The following TBC1D31 variants were observed in gnomAD, a reference collection of about 807,000 sequenced individuals.
TBC1D31 encodes WD repeat domain 67.
TBC1D31 carries 99 observed loss-of-function variants against 132.9 expected under a neutral mutation model. That is an observed-to-expected ratio of 0.74 (90% confidence interval 0.63 to 0.88). TBC1D31 has a LOEUF of 0.88. Ranked by LOEUF, TBC1D31 falls within the 40% of genes least tolerant of loss-of-function variation. The pLI is 0.00. For synonymous variants in TBC1D31, 385 were observed against 419.4 expected, an observed-to-expected ratio of 0.92 and a Z score of 1.00; for missense variants, 1,134 against 1,256.6, an observed-to-expected ratio of 0.90 and a Z score of 1.48.
intron 5 of TBC1D31, among the ~76,000 whole-genome samples, chr8:123,096,546 C>T (rs1278803332): frequency 1.3e-5 from 2 of 152,204 alleles, no homozygotes; most frequent in Non-Finnish European, 2.9e-5. Flanking sequence ...TAGAACTTAT[C>T]ACCTGCTGAG....
At chr8:123,130,030 C>G (rs149657760) in intron 15 of TBC1D31, among the ~76,000 whole-genome samples, 168 bp from the exon 16 acceptor site, 1 of 152,274 alleles carries the variant, frequency 6.6e-6, no homozygotes, top group Non-Finnish European at 1.5e-5. Context: ...ATTCTTAAAG[C>G]ATAAGTATAC....
intron 1 of TBC1D31, chr8:123,073,170 C>A: frequency 4.1e-6 from 2 of 483,630 alleles, no homozygotes; most frequent in Non-Finnish European, 7.9e-6. Context: ...GTCCCTGGCA[C>A]GTAGTAGGTG....
chr8:123,083,994 T>G, intron 3 of TBC1D31, 168 bp from the exon 4 acceptor site: 2 of 596,798 alleles, frequency 3.4e-6, no homozygotes, highest in Non-Finnish European at 5.9e-6. Flanking sequence ...TGTTCCGTCA[T>G]ACACTTTATC....
In TBC1D31 at chr8:123,129,098, A is replaced by G. The variant is rs555206504; in HGVS notation, c.2150A>G (p.Asp717Gly). 6.2e-7 allele frequency: 1 copy of G among 1,606,964 alleles called. No homozygotes were observed. The highest frequency in any genetic ancestry group is 1.3e-5 in the African/African-American group (1 of 74,880). Residue 717 changes from aspartate to glycine, a missense_variant, in exon 15 of 22, where the codon GAC becomes GGC. Transcript: ENST00000287380. ...GTTGAAGATATGCAAGCTAAAGTCG[A>G]CCAGCAAAGAGTTGAAGATGAAGCT... ...QTVEDMQAKV[D>G]QQRVEDEAWY...
intron 11 of TBC1D31, among the ~76,000 whole-genome samples, chr8:123,124,938 C>CAAA (rs1310001681): frequency 1.4e-4 from 11 of 81,044 alleles, no homozygotes; most frequent in African/African-American, 4.2e-4. Flanking sequence ...CTCCGTCTCA[C>CAAA]AAAAAAAAAA....
At chr8:123,123,863 C>A (rs1187352443) in intron 11 of TBC1D31, among the ~76,000 whole-genome samples, 1 of 151,990 alleles carries the variant, frequency 6.6e-6, no homozygotes, top group Admixed American at 6.6e-5. Flanking sequence ...ATAGTCTTGT[C>A]CTGGTGATAT....
chr8:123,138,437 C>T lies in TBC1D31; in HGVS notation c.2500-2324C>T, dbSNP rs111803479. ...AGATGATTAGAAAAGTAGAAAAAAT[C>T]CCTCGAGAAATAACAACTGCTAATG... On this transcript the variant is annotated intron_variant, in intron 17 of 21. Transcript: ENST00000287380. Among the ~76,000 whole-genome samples the T allele has an allele frequency of 5.2e-3, 796 of 152,138 alleles. 6 individuals carry two copies. The highest frequency in any genetic ancestry group is 8.3e-3 in the Non-Finnish European group (564 of 68,010).
chr8:123,144,600 C>T, intron 19 of TBC1D31, 117 bp from the exon 20 acceptor site: 1 of 1,005,404 alleles, frequency 9.9e-7, no homozygotes, highest in Non-Finnish European at 1.4e-6. Flanking sequence ...ACAGATCCTA[C>T]TTGCCATGGG....
rs752613284 is a variant in TBC1D31, at chr8:123,101,073, A to G, written c.1032+66A>G. ...ACTTATATATTATATCATCAAGAATAAAATCTTTATGCTACTATTTCTAAC... is the reference window on the plus strand; with the variant it reads ...ACTTATATATTATATCATCAAGAATGAAATCTTTATGCTACTATTTCTAAC... On this transcript the variant is annotated intron_variant, in intron 7 of 21. Coordinates refer to ENST00000287380, the MANE Select transcript of TBC1D31 (RefSeq NM_145647.4). The G allele has an allele frequency of 1.1e-5, 13 of 1,199,738 alleles. No homozygotes were observed. In the African/African-American group the frequency reaches 2.0e-4, roughly 18 times the overall value. The allele number at this position is 1,199,738 out of a possible 1,614,324, so 74.3% of individuals were successfully genotyped here.
At chr8:123,108,837 G>A (rs1269846218) in intron 8 of TBC1D31, among the ~76,000 whole-genome samples, 1 of 152,070 alleles carries the variant, frequency 6.6e-6, no homozygotes, top group African/African-American at 2.4e-5. Context: ...AAGGGGAAGC[G>A]GGCACCTTCT....
chr8:123,085,803 A>G (rs1815677189), intron 4 of TBC1D31, among the ~76,000 whole-genome samples: 1 of 152,200 alleles, frequency 6.6e-6, no homozygotes. Context: ...GTGTAAATAT[A>G]CCACCTTTTA....
chr8:123,109,371 T>C lies in TBC1D31; in HGVS notation c.1264T>C (p.Tyr422His), dbSNP rs760775886. Reference protein sequence around the residue: ...KKRLQILLKGYGEYPTKYRMF... With the variant: ...KKRLQILLKGHGEYPTKYRMF... ...GCGTTTACAAATCTTATTAAAAGGC[T>C]ATGGTGAATATCCAACAAAATACAG... Residue 422 changes from tyrosine (Y) to histidine (H), a missense_variant, in exon 9 of 22, where the codon TAT becomes CAT. By Grantham distance (83) the Tyr-to-His change is moderately conservative. Transcript: ENST00000287380. 5 of 1,610,128 alleles carry C rather than the reference T, an allele frequency of 3.1e-6. No homozygotes were observed. The East Asian group carries it at 1.1e-4, about 36-fold the overall frequency.
At chr8:123,074,888 ATTC>A (rs990892737) in intron 1 of TBC1D31, 6 of 152,240 alleles carry the variant, frequency 3.9e-5, no homozygotes, top group African/African-American at 1.4e-4. Context: ...AATATTTGAT[ATTC>A]TTCTTGTGTT....
chr8:123,127,260 C>A, intron 13 of TBC1D31, among the ~76,000 whole-genome samples: 1 of 91,160 alleles, frequency 1.1e-5, no homozygotes, highest in African/African-American at 4.6e-5. Context: ...GTGCTTTTTG[C>A]ATTTTTTTTT....
chr8:123,123,841 G>A (rs976664346), intron 11 of TBC1D31, among the ~76,000 whole-genome samples: 5 of 152,204 alleles, frequency 3.3e-5, no homozygotes, highest in African/African-American at 1.2e-4. Flanking sequence ...ACACCCTATC[G>A]AATGTCTTTG....
rs143777547 is a variant in TBC1D31 at position 123,097,290 on chromosome 8, G to A, written c.680G>A (p.Arg227Gln). 2.6e-4 allele frequency: 419 copies of A among 1,613,964 alleles called. 2 individuals carry two copies. In the Middle Eastern group the frequency reaches 0.011, roughly 41 times the overall value. The change falls in exon 6 of 22, where the codon CGA (arginine) becomes CAA (glutamine). Residue 227 changes from arginine to glutamine, a missense_variant. Coordinates refer to ENST00000287380, the MANE Select transcript of TBC1D31 (RefSeq NM_145647.4). ...YKVFAVTRDGRILAAGGKSNH... is the reference protein window; with the variant it reads ...YKVFAVTRDGQILAAGGKSNH... ...CTTTTTTGTTTATATAGAGATGGCC[G>A]AATCCTGGCTGCTGGAGGCAAGTCA...
intron 13 of TBC1D31, among the ~76,000 whole-genome samples, chr8:123,127,416 G>A (rs1357503967): frequency 6.6e-6 from 1 of 151,468 alleles, no homozygotes; most frequent in African/African-American, 2.4e-5. Flanking sequence ...GATTACAGGT[G>A]CCCGCCACCA....
chr8:123,115,410 C>T (rs368285225), intron 10 of TBC1D31, among the ~76,000 whole-genome samples: 10 of 152,098 alleles, frequency 6.6e-5, no homozygotes, highest in East Asian at 5.8e-4. Context: ...GAAGCTAATC[C>T]CTCCCTCCTG....
In TBC1D31 at chr8:123,128,467, G is replaced by T. The variant is rs1490441570; in HGVS notation, c.2071G>T (p.Glu691Ter). 1 of 1,613,330 alleles carries T rather than the reference G, an allele frequency of 6.2e-7. No individual in the cohort carries two copies. The highest frequency in any genetic ancestry group is 8.5e-7 in the Non-Finnish European group (1 of 1,179,358). ...PKFIVDYQTQ[E>*]RERIRNDELD... ...GTTTATTGTGGACTATCAAACACAG[G>T]AACGAGAAAGAATAAGGAATGATGA... Residue 691 changes from glutamate (E) to a stop codon, truncating the protein, a stop_gained, in exon 14 of 22, where the codon GAA becomes TAA. Coordinates refer to ENST00000287380, the MANE Select transcript of TBC1D31 (RefSeq NM_145647.4). LOFTEE classifies it high-confidence loss of function.
Sources: gnomAD v4.1 joint callset for allele counts (sites outside exome capture counted in the v4.1 genomes callset) on GRCh38, gnomAD v4.1.1 for gene constraint, MANE v1.5 for transcripts, NCBI Gene and HGNC (gene_info 2026-07-23, HGNC 2026-07-21) for gene names.